CDKAL1: variants seen among roughly 807,000 people sequenced by gnomAD.
The protein encoded by CDKAL1 is threonylcarbamoyladenosine tRNA methylthiotransferase.
In CDKAL1, 32 loss-of-function variants were observed where a neutral mutation model predicts 68.2. The observed-to-expected ratio is 0.47, with a 90% confidence interval of 0.35 to 0.63. CDKAL1 has a LOEUF of 0.63. Among genes scored for constraint, CDKAL1 ranks in the 30% least tolerant of loss-of-function variants. CDKAL1 has a pLI of 0.00. For synonymous variants in CDKAL1, 234 were observed against 244.3 expected, an observed-to-expected ratio of 0.96 and a Z score of 0.39; for missense variants, 606 against 696.7, an observed-to-expected ratio of 0.87 and a Z score of 1.47.
intron 4 of CDKAL1, among the ~76,000 whole-genome samples, chr6:20,599,754 G>T (rs1766000622): frequency 6.6e-6 from 1 of 152,092 alleles, no homozygotes; most frequent in Non-Finnish European, 1.5e-5. Flanking sequence ...TCCATTTACA[G>T]TTGATAAAAA....
At chr6:20,748,081 A>C (rs1358897457) in intron 6 of CDKAL1, among the ~76,000 whole-genome samples, 1 of 152,202 alleles carries the variant, frequency 6.6e-6, no homozygotes, top group Non-Finnish European at 1.5e-5. Context: ...ATTGTTTGCA[A>C]ATATAGAAAA....
intron 11 of CDKAL1, among the ~76,000 whole-genome samples, chr6:21,036,347 C>A (rs545306479): frequency 6.6e-6 from 1 of 152,134 alleles, no homozygotes. Flanking sequence ...AAATTTCAGT[C>A]TCAGCCATGA....
At chr6:20,779,674 G>A (rs1231479177) in intron 7 of CDKAL1, among the ~76,000 whole-genome samples, 1 of 152,148 alleles carries the variant, frequency 6.6e-6, no homozygotes, top group East Asian at 1.9e-4. Flanking sequence ...AACCTCTGCT[G>A]CCCAGGTTCA....
chr6:20,667,612 C>T (rs903853018), intron 5 of CDKAL1, among the ~76,000 whole-genome samples: 1 of 152,024 alleles, frequency 6.6e-6, no homozygotes, highest in African/African-American at 2.4e-5. Flanking sequence ...CTAAGTACTT[C>T]GTATTTTTTC....
intron 11 of CDKAL1, among the ~76,000 whole-genome samples, chr6:21,054,647 T>A (rs1770732140): frequency 6.6e-6 from 1 of 152,178 alleles, no homozygotes. Context: ...TTAAGATGGT[T>A]TCTTTAAATT....
chr6:20,580,236 TC>T (rs1407079319), intron 4 of CDKAL1, among the ~76,000 whole-genome samples: 36 of 152,336 alleles, frequency 2.4e-4, no homozygotes, highest in African/African-American at 8.4e-4. Context: ...TCAATTATTT[TC>T]AAGCCCCCAG....
intron 13 of CDKAL1, among the ~76,000 whole-genome samples, chr6:21,153,260 A>G (rs1237215582): frequency 8.7e-6 from 1 of 115,092 alleles, no homozygotes; most frequent in African/African-American, 3.7e-5. Flanking sequence ...TTTTTTTTTA[A>G]TCGTTAAGCG....
intron 5 of CDKAL1, among the ~76,000 whole-genome samples, chr6:20,706,513 C>T (rs1446539115): frequency 6.6e-6 from 1 of 152,176 alleles, no homozygotes; most frequent in African/African-American, 2.4e-5. Context: ...TCCTCACTAC[C>T]ATTTTAGATT....
intron 8 of CDKAL1, among the ~76,000 whole-genome samples, chr6:20,787,267 G>A (rs559438933): frequency 3.0e-4 from 45 of 151,896 alleles, no homozygotes; most frequent in East Asian, 2.3e-3. Context: ...ATTTTAAAAA[G>A]CATTTTTTTC....
intron 8 of CDKAL1, among the ~76,000 whole-genome samples, chr6:20,803,789 A>G (rs991731666): frequency 2.0e-5 from 3 of 152,198 alleles, no homozygotes; most frequent in Non-Finnish European, 4.4e-5. Context: ...ATAATTTTAT[A>G]TTTAAAAGAA....
chr6:20,562,833 C>T (rs1406218593), intron 4 of CDKAL1, among the ~76,000 whole-genome samples: 1 of 152,094 alleles, frequency 6.6e-6, no homozygotes, highest in Non-Finnish European at 1.5e-5. Flanking sequence ...ATTCTCATGT[C>T]CTATACGGTG....
intron 11 of CDKAL1, among the ~76,000 whole-genome samples, chr6:21,041,284 G>A (rs898023628): frequency 6.6e-6 from 1 of 152,130 alleles, no homozygotes; most frequent in Non-Finnish European, 1.5e-5. Flanking sequence ...CGTTATGTTA[G>A]GCAGTAATAG....
intron 11 of CDKAL1, among the ~76,000 whole-genome samples, chr6:21,043,066 T>C (rs1770023139): frequency 1.3e-5 from 2 of 152,298 alleles, no homozygotes; most frequent in South Asian, 4.1e-4. Flanking sequence ...TTCTCATAAC[T>C]CTTAATGTTA....
At chr6:21,136,941 A>G (rs1249275028) in intron 13 of CDKAL1, among the ~76,000 whole-genome samples, 1 of 152,168 alleles carries the variant, frequency 6.6e-6, no homozygotes, top group Non-Finnish European at 1.5e-5. Context: ...CTATACTGCA[A>G]TAAATTATTG....
intron 9 of CDKAL1, among the ~76,000 whole-genome samples, chr6:20,936,828 G>A (rs1240837997): frequency 6.6e-6 from 1 of 152,268 alleles, no homozygotes; most frequent in East Asian, 1.9e-4. Context: ...CTTTGACTCC[G>A]TGCTGAGGAA....
At chr6:20,683,323 A>G (rs768747662) in intron 5 of CDKAL1, among the ~76,000 whole-genome samples, 19 of 152,178 alleles carry the variant, frequency 1.2e-4, no homozygotes, top group Non-Finnish European at 2.6e-4. Context: ...GAAGATGTTA[A>G]AAAGTAACCA....
intron 9 of CDKAL1, among the ~76,000 whole-genome samples, chr6:20,932,684 A>T (rs537908370): frequency 1.3e-5 from 2 of 152,262 alleles, no homozygotes; most frequent in South Asian, 4.1e-4. Flanking sequence ...CAAATTCCAG[A>T]GTCCTAAAAA....
At chr6:20,667,160 C>T (rs1243573752) in intron 5 of CDKAL1, among the ~76,000 whole-genome samples, 1 of 152,148 alleles carries the variant, frequency 6.6e-6, no homozygotes, top group Non-Finnish European at 1.5e-5. Flanking sequence ...ATGATGTTTG[C>T]ACCACATCTG....
At chr6:21,171,485 T>A (rs1189238702) in intron 13 of CDKAL1, among the ~76,000 whole-genome samples, 1 of 152,194 alleles carries the variant, frequency 6.6e-6, no homozygotes, top group African/African-American at 2.4e-5. Context: ...GTGCTGGGAT[T>A]ACAGGCTGAG....
Sources: gnomAD v4.1 joint callset for allele counts (sites outside exome capture counted in the v4.1 genomes callset) on GRCh38, gnomAD v4.1.1 for gene constraint, MANE v1.5 for transcripts, NCBI Gene and HGNC (gene_info 2026-07-23, HGNC 2026-07-21) for gene names.